HAPLN1: variants seen among roughly 807,000 people sequenced by gnomAD.
HAPLN1 encodes hyaluronan and proteoglycan link protein 1, also known as Cartilage link protein.
A neutral mutation model predicts 36.5 loss-of-function variants in HAPLN1; 13 were observed. That is an observed-to-expected ratio of 0.36 (90% CI 0.23 to 0.57). The LOEUF (loss-of-function observed/expected upper bound fraction) is 0.57. Among genes scored for constraint, HAPLN1 ranks in the 20% least tolerant of loss-of-function variants. The pLI, the probability that HAPLN1 is intolerant of heterozygous loss-of-function variation, is 0.83. For missense variants in HAPLN1, 407 were observed against 439.7 expected, an observed-to-expected ratio of 0.93 and a Z score of 0.66; for synonymous variants, 202 against 169.8, an observed-to-expected ratio of 1.19 and a Z score of -1.48.
intron 1 of HAPLN1, among the ~76,000 whole-genome samples, chr5:83,699,682 G>A (rs1219234110): frequency 6.6e-6 from 1 of 152,134 alleles, no homozygotes; most frequent in Non-Finnish European, 1.5e-5. Context: ...ATTCAGATTT[G>A]TGATTCACGG....
chr5:83,655,517 GGTGTGTGTGT>G (rs60890807), intron 2 of HAPLN1, among the ~76,000 whole-genome samples: 4 of 147,772 alleles, frequency 2.7e-5, no homozygotes, highest in South Asian at 4.3e-4. Flanking sequence ...TTCACTTTGG[GGTGTGTGTGT>G]GTGTGTGTGT....
At chr5:83,685,563 T>C (rs1009819880) in intron 1 of HAPLN1, among the ~76,000 whole-genome samples, 2 of 152,198 alleles carry the variant, frequency 1.3e-5, no homozygotes, top group Non-Finnish European at 2.9e-5. Context: ...CTAAAACATT[T>C]TGACCCCGTG....
chr5:83,671,459 A>C (rs114917458), intron 2 of HAPLN1, among the ~76,000 whole-genome samples: 3 of 152,216 alleles, frequency 2.0e-5, no homozygotes, highest in Non-Finnish European at 4.4e-5. Flanking sequence ...TTGATAAATA[A>C]AAGTTTTAAA....
At chr5:83,657,004 A>C (rs952215507) in intron 2 of HAPLN1, among the ~76,000 whole-genome samples, 2 of 152,182 alleles carry the variant, frequency 1.3e-5, no homozygotes, top group Non-Finnish European at 2.9e-5. Flanking sequence ...AAAAGCATAA[A>C]AATTTATTTG....
intron 1 of HAPLN1, among the ~76,000 whole-genome samples, chr5:83,707,118 G>T (rs1285064191): frequency 1.3e-5 from 2 of 152,124 alleles, no homozygotes; most frequent in Admixed American, 1.3e-4. Flanking sequence ...CATGCTTATG[G>T]ATAGGAAGAA....
chr5:83,689,072 A>G (rs549545523), intron 1 of HAPLN1, among the ~76,000 whole-genome samples: 9 of 152,322 alleles, frequency 5.9e-5, no homozygotes, highest in Admixed American at 2.0e-4. Flanking sequence ...TGCAAAGCCT[A>G]CAATAGGTGC....
At chr5:83,698,574 T>C (rs1462833498) in intron 1 of HAPLN1, among the ~76,000 whole-genome samples, 1 of 152,230 alleles carries the variant, frequency 6.6e-6, no homozygotes, top group African/African-American at 2.4e-5. Context: ...GAAATCCACC[T>C]ATAGTTCCCC....
chr5:83,683,269 T>A (rs188544572), intron 1 of HAPLN1, among the ~76,000 whole-genome samples: 4 of 152,280 alleles, frequency 2.6e-5, no homozygotes, highest in African/African-American at 9.6e-5. Context: ...CAAATTCCCA[T>A]CATTACAGTT....
chr5:83,671,818 C>G (rs1234447907), intron 2 of HAPLN1, among the ~76,000 whole-genome samples: 2 of 152,178 alleles, frequency 1.3e-5, no homozygotes, highest in Non-Finnish European at 2.9e-5. Flanking sequence ...CCTGCACTTT[C>G]TAAGAATATG....
intron 4 of HAPLN1, among the ~76,000 whole-genome samples, chr5:83,642,521 T>G (rs1204774015): frequency 6.6e-6 from 1 of 152,230 alleles, no homozygotes; most frequent in Non-Finnish European, 1.5e-5. Flanking sequence ...ATTACTGAGA[T>G]TCCTTCAATA....
chr5:83,681,995 G>T (rs1197643391), intron 1 of HAPLN1, among the ~76,000 whole-genome samples: 2 of 152,044 alleles, frequency 1.3e-5, no homozygotes, highest in South Asian at 4.1e-4. Flanking sequence ...TAGCACTAGG[G>T]TTTATATGGG....
rs1750778175 is a variant in HAPLN1, at chr5:83,673,419, C to T, written c.100+5G>A. On this transcript the variant is annotated splice_donor_5th_base_variant and intron_variant, in intron 2 of 4. Transcript: ENST00000274341. ...GCTTTGATAAGAGAAGCTGTGTTTC[C>T]TTACCTTGGATGTGAATAGCTCTGT... The T allele has an allele frequency of 6.4e-7, 1 of 1,567,870 alleles. No homozygotes were observed. The highest frequency in any genetic ancestry group is 8.7e-7 in the Non-Finnish European group (1 of 1,156,028).
chr5:83,709,693 T>G (rs528050223), intron 1 of HAPLN1, among the ~76,000 whole-genome samples: 29 of 152,328 alleles, frequency 1.9e-4, no homozygotes, highest in Admixed American at 1.7e-3. Context: ...GCAAATCACT[T>G]AAAATAATTT....
At chr5:83,657,499 C>T (rs1292913408) in intron 2 of HAPLN1, among the ~76,000 whole-genome samples, 3 of 152,076 alleles carry the variant, frequency 2.0e-5, no homozygotes, top group African/African-American at 7.3e-5. Context: ...ATTGGGAGCC[C>T]TCCTGGAGAA....
At chr5:83,649,782 C>A (rs1234544883) in intron 3 of HAPLN1, among the ~76,000 whole-genome samples, 1 of 152,136 alleles carries the variant, frequency 6.6e-6, no homozygotes, top group African/African-American at 2.4e-5. Context: ...TCCATGACTC[C>A]CACATTGCAT....
intron 3 of HAPLN1, among the ~76,000 whole-genome samples, chr5:83,651,501 C>T (rs1016837058): frequency 3.2e-5 from 4 of 126,780 alleles, no homozygotes; most frequent in East Asian, 2.1e-4. Context: ...ATGTACTTTA[C>T]GATGTTGTGC....
chr5:83,646,978 C>T (rs1466212350), intron 3 of HAPLN1, among the ~76,000 whole-genome samples: 2 of 152,176 alleles, frequency 1.3e-5, no homozygotes. Context: ...CTTCCATTTC[C>T]AAAATGGCTG....
chr5:83,668,040 C>A (rs901256835), intron 2 of HAPLN1, among the ~76,000 whole-genome samples: 8 of 152,096 alleles, frequency 5.3e-5, no homozygotes, highest in Non-Finnish European at 1.2e-4. Context: ...AAGGCTGAAC[C>A]AAAACTTGAT....
At chr5:83,700,912 T>A (rs1751494417) in intron 1 of HAPLN1, among the ~76,000 whole-genome samples, 1 of 152,226 alleles carries the variant, frequency 6.6e-6, no homozygotes, top group Non-Finnish European at 1.5e-5. Flanking sequence ...GCATTAACAT[T>A]TATTTTCCTT....
Sources: allele counts gnomAD v4.1 joint callset (sites outside exome capture counted in the v4.1 genomes callset), GRCh38; gene constraint gnomAD v4.1.1; transcripts MANE v1.5; gene names NCBI Gene and HGNC (gene_info 2026-07-23, HGNC 2026-07-21).